Variants in PLK5 observed in about 807,000 individuals in gnomAD.
PLK5 encodes the protein polo like kinase 5 (inactive), also known as inactive serine/threonine-protein kinase PLK5.
PLK5 carries 28 observed loss-of-function variants against 33.7 expected under a neutral mutation model. The ratio of observed to expected loss-of-function variants is 0.83; its 90% confidence interval spans 0.62 to 1.14. The LOEUF is 1.14. Ranked by LOEUF, PLK5 falls within the 50% of genes most tolerant of loss-of-function variation. PLK5 has a pLI of 0.00. For missense variants in PLK5, 492 were observed against 461.5 expected (o/e 1.07, Z -0.61); for synonymous variants, 225 against 202.2 (o/e 1.11, Z -0.96).
In PLK5 at chr19:1,528,893, C is replaced by T. The variant is rs1452233930; in HGVS notation, c.329-5C>T. On this transcript the variant is annotated splice_region_variant and splice_polypyrimidine_tract_variant and intron_variant, in intron 8 of 13. Transcript: ENST00000454744. The stretch of plus-strand genomic sequence containing the variant: ...GCCCCCTCCAAGGCCTTGTGCCTCC[C>T]TCAGGCCCCTTCACGCCTAAAGAGG... 2.7e-6 allele frequency: 4 copies of T among 1,506,328 alleles called. No homozygotes were observed. The South Asian group carries it at 3.8e-5, about 14-fold the overall frequency. 93.3% of individuals were successfully genotyped at this position (1,506,328 alleles called of 1,614,324 possible). A position where few individuals can be genotyped will look rare whatever the true frequency, so the allele number is the denominator to read the frequency against.
At position 1,529,496 on chromosome 19, in the gene PLK5, C is replaced by T. The variant is rs1305764062; in HGVS notation, c.490+6C>T. The T allele has an allele frequency of 5.9e-6, 9 of 1,534,754 alleles. No individual in the cohort carries two copies. The highest frequency in any genetic ancestry group is 2.4e-5 in the East Asian group (1 of 40,918). On this transcript the variant is annotated splice_donor_region_variant and intron_variant, in intron 10 of 13. Transcript: ENST00000454744. ...CCTGCAGAGTGACCTGGCCGGTGAG[C>T]AGATCCCCGTCCCAGCCCGGGGCTG...
At chr19:1,534,533 C>T (rs1421234496) in intron 13 of PLK5, among the ~76,000 whole-genome samples, 5 of 138,580 alleles carry the variant, frequency 3.6e-5, no homozygotes, top group African/African-American at 8.3e-5. Flanking sequence ...AGGCCGGGCA[C>T]GGTGGCTCAC....
At chr19:1,525,179 T>A (rs1046264913) in intron 1 of PLK5, 126 bp from the exon 2 acceptor site, 2 of 152,962 alleles carry the variant, frequency 1.3e-5, no homozygotes, top group African/African-American at 4.8e-5. Flanking sequence ...TGTTGTTTTT[T>A]CCCCGGTGTG....
intron 11 of PLK5, 83 bp from the exon 12 acceptor site, chr19:1,531,655 G>A: frequency 1.4e-6 from 2 of 1,468,064 alleles, no homozygotes; most frequent in Admixed American, 2.3e-5. Flanking sequence ...CTCACCCATG[G>A]TTTCAGTCCA....
rs1913758506 is a variant in PLK5, at chr19:1,526,939, GGTT to G, written c.-55_-53del. The G allele has an allele frequency of 2.0e-6, 3 of 1,533,376 alleles. No homozygotes were observed. In the African/African-American group the frequency reaches 4.1e-5, roughly 21 times the overall value. The allele number at this position is 1,533,376 out of a possible 1,614,324, so 95.0% of individuals were successfully genotyped here. Reference sequence around the variant, plus strand: ...GGACCCCTAACTTCCTGGACCCTGAGGTTGTCTCCAGAAACGGTCACTCCTGCC... The same window carrying G: ...GGACCCCTAACTTCCTGGACCCTGAGGTCTCCAGAAACGGTCACTCCTGCC... On this transcript the variant is annotated 5_prime_UTR_variant, in exon 6 of 14. Coordinates refer to ENST00000454744, the MANE Select transcript of PLK5 (RefSeq NM_001243079.2).
At chr19:1,533,801 G>A (rs1039188737) in intron 12 of PLK5, 130 bp from the exon 13 acceptor site, 11 of 716,064 alleles carry the variant, frequency 1.5e-5, no homozygotes, top group Non-Finnish European at 2.3e-5. Context: ...CGCCAAGCTG[G>A]CCGTGCTGCA....
chr19:1,524,615 G>A lies in PLK5; in HGVS notation c.-544+369G>A, dbSNP rs1390912024. ...GTGCGGTGTTCGTGTGTGTGTGTGTGTGTGTGTGTGTGTGTGTCTGGGTGT... is the reference window on the plus strand; with the variant it reads ...GTGCGGTGTTCGTGTGTGTGTGTGTATGTGTGTGTGTGTGTGTCTGGGTGT... On this transcript the variant is annotated intron_variant, in intron 1 of 13. Coordinates refer to ENST00000454744, the MANE Select transcript of PLK5 (RefSeq NM_001243079.2). This position sits in a 1 kb window ranked among gnomAD's most constrained non-coding sequence, Gnocchi z 4.5. Among the ~76,000 whole-genome samples, 1 of 36,884 alleles carries A rather than the reference G, an allele frequency of 2.7e-5. No individual in the cohort carries two copies. The highest frequency in any genetic ancestry group is 7.8e-5 in the African/African-American group (1 of 12,754). 24.2% of individuals were successfully genotyped at this position (36,884 alleles called of 152,430 possible). A position where few individuals can be genotyped will look rare whatever the true frequency, so the allele number is the denominator to read the frequency against.
chr19:1,528,814 G>A (rs1009023338), intron 8 of PLK5, 84 bp from the exon 9 acceptor site: 1 of 1,042,188 alleles, frequency 9.6e-7, no homozygotes, highest in South Asian at 1.7e-5. Flanking sequence ...TCCACATCAG[G>A]GGTGGGTGTG....
At chr19:1,533,572 G>A (rs1359229865) in intron 12 of PLK5, 2 of 479,246 alleles carry the variant, frequency 4.2e-6, no homozygotes, top group East Asian at 6.1e-5. Flanking sequence ...GGTGAAGAGA[G>A]GACAGAGAGC....
Position 1,527,924 on chromosome 19 carries a change from C to T in PLK5, c.3-12C>T. 6.5e-7 allele frequency: 1 copy of T among 1,530,836 alleles called. No individual in the cohort carries two copies. The highest frequency in any genetic ancestry group is 8.7e-7 in the Non-Finnish European group (1 of 1,143,090). 94.8% of individuals were successfully genotyped at this position (1,530,836 alleles called of 1,614,324 possible). ...CCTGGACACCCAGGTTCTTGCCCCC[C>T]ACCTGGCCCAGGTACACGGTGCTGA... On this transcript the variant is annotated splice_polypyrimidine_tract_variant and intron_variant, in intron 6 of 13. Transcript: ENST00000454744.
rs1390912024 is a variant in PLK5 at position 1,524,615 on chromosome 19, G to C, written c.-544+369G>C. Among the ~76,000 whole-genome samples the C allele has an allele frequency of 0.014, 531 of 36,962 alleles. 4 individuals carry two copies. The highest frequency in any genetic ancestry group is 0.067 in the Middle Eastern group (2 of 30). 24.2% of individuals were successfully genotyped at this position (36,962 alleles called of 152,430 possible). ...GTGCGGTGTTCGTGTGTGTGTGTGT[G>C]TGTGTGTGTGTGTGTGTCTGGGTGT... is the stretch of plus-strand genomic sequence containing the variant. On this transcript the variant is annotated intron_variant, in intron 1 of 13. Coordinates refer to ENST00000454744, the MANE Select transcript of PLK5 (RefSeq NM_001243079.2). This position sits in a 1 kb window ranked among gnomAD's most constrained non-coding sequence, Gnocchi z 4.5.
At position 1,533,916 on chromosome 19, in the gene PLK5, C is replaced by T. The variant is rs776408823; in HGVS notation, c.715-15C>T. 31 of 1,524,800 alleles carry T rather than the reference C, an allele frequency of 2.0e-5. No homozygotes were observed. Among genetic ancestry groups the T allele is most frequent in the African/African-American group, 4.1e-5 (3 of 72,680 alleles). The allele number at this position is 1,524,800 out of a possible 1,614,324, so 94.5% of individuals were successfully genotyped here. A position where few individuals can be genotyped will look rare whatever the true frequency, so the allele number is the denominator to read the frequency against. ...GCCCCCTGCGTCACGTGACCTCAGCCGAGTCTGTCCACAGGAGGGGACCCT... is the reference window on the plus strand; with the variant it reads ...GCCCCCTGCGTCACGTGACCTCAGCTGAGTCTGTCCACAGGAGGGGACCCT... On this transcript the variant is annotated splice_polypyrimidine_tract_variant and intron_variant, in intron 12 of 13. Coordinates refer to ENST00000454744, the MANE Select transcript of PLK5 (RefSeq NM_001243079.2).
Position 1,526,509 on chromosome 19 carries a change from G to A in PLK5, c.-289G>A, listed in dbSNP as rs764385369. 7.7e-5 allele frequency: 21 copies of A among 272,606 alleles called. No homozygotes were observed. The highest frequency in any genetic ancestry group is 1.1e-4 in the Non-Finnish European group (15 of 136,630). The allele number at this position is 272,606 out of a possible 1,614,324, so 16.9% of individuals were successfully genotyped here. On this transcript the variant is annotated 5_prime_UTR_variant, in exon 4 of 14. Transcript: ENST00000454744. The stretch of plus-strand genomic sequence containing the variant: ...AGTCTTTGGCCCACGTGCTGAGGGC[G>A]CGGCAGATCCTGACGGAGCCAGAAG...
At chr19:1,525,208 C>G (rs952201300) in intron 1 of PLK5, 97 bp from the exon 2 acceptor site, 2 of 152,874 alleles carry the variant, frequency 1.3e-5, no homozygotes, top group Admixed American at 1.3e-4. Context: ...GAGACCTGGA[C>G]GCGCCTGCGT....
intron 13 of PLK5, 32 bp downstream of exon 13, chr19:1,534,073 G>T (rs2145549342): frequency 6.6e-7 from 1 of 1,510,462 alleles, no homozygotes; most frequent in African/African-American, 1.4e-5. Context: ...GGGGCACTGG[G>T]GCTCGGCAGG....
intron 13 of PLK5, among the ~76,000 whole-genome samples, chr19:1,534,374 G>T (rs967611961): frequency 6.6e-6 from 1 of 151,536 alleles, no homozygotes; most frequent in Non-Finnish European, 1.5e-5. Context: ...GGGCGTGGTG[G>T]AGCCTTCCTG....
intron 11 of PLK5, among the ~76,000 whole-genome samples, chr19:1,530,604 A>ATTTTTTT (rs759461067): frequency 8.2e-5 from 3 of 36,550 alleles, no homozygotes; most frequent in Non-Finnish European, 1.4e-4. Flanking sequence ...GCCTGGGCGC[A>ATTTTTTT]TTTTTTTTTT....
intron 12 of PLK5, 170 bp from the exon 13 acceptor site, chr19:1,533,761 C>T (rs1457684767): frequency 4.9e-6 from 3 of 616,560 alleles, no homozygotes; most frequent in African/African-American, 3.7e-5. Context: ...TGGAAGCCTT[C>T]GCCCTGAGGG....
intron 12 of PLK5, among the ~76,000 whole-genome samples, chr19:1,532,351 C>T (rs1340277416): frequency 6.6e-6 from 1 of 151,954 alleles, no homozygotes; most frequent in Non-Finnish European, 1.5e-5. Flanking sequence ...TCAGCCTTGG[C>T]CTCATAGCAA....
Sources: allele counts gnomAD v4.1 joint callset (sites outside exome capture counted in the v4.1 genomes callset), GRCh38; gene constraint gnomAD v4.1.1; non-coding constraint Gnocchi (gnomAD v3.1); transcripts MANE v1.5; gene names NCBI Gene and HGNC (gene_info 2026-07-23, HGNC 2026-07-21).